UMAD1: variants seen among roughly 807,000 people sequenced by gnomAD.
UMAD1 encodes UBAP1-MVB12-associated (UMA) domain containing 1.
UMAD1 carries 8 observed loss-of-function variants against 6.1 expected under a neutral mutation model. The ratio of observed to expected loss-of-function variants is 1.30; its 90% confidence interval spans 0.76 to 2.35. UMAD1 has a LOEUF of 2.35. Among genes scored for constraint, UMAD1 ranks in the 30% most tolerant of loss-of-function variants. UMAD1 has a pLI of 0.00. For missense variants in UMAD1, 130 were observed against 78.4 expected (o/e 1.66, Z -2.49); for synonymous variants, 56 against 31.4 (o/e 1.78, Z -2.61).
intron 2 of UMAD1, among the ~76,000 whole-genome samples, chr7:7,782,363 A>G (rs907412253): frequency 4.6e-5 from 7 of 152,088 alleles, no homozygotes; most frequent in South Asian, 2.1e-4. Flanking sequence ...GCATGTATTC[A>G]TCTGAATGCC....
At chr7:7,781,123 C>T (rs1242210014) in intron 2 of UMAD1, among the ~76,000 whole-genome samples, 1 of 152,112 alleles carries the variant, frequency 6.6e-6, no homozygotes, top group Non-Finnish European at 1.5e-5. Flanking sequence ...GTTTACTTTC[C>T]TGCTGGCACA....
chr7:7,654,902 C>CA (rs71010994), intron 1 of UMAD1, among the ~76,000 whole-genome samples: 90,221 of 139,146 alleles, frequency 0.65, 29,124 homozygotes, highest in East Asian at 0.87. Context: ...GACTCTGTCT[C>CA]AAAAAAAAAA....
At chr7:7,707,346 C>T (rs1396466362) in intron 2 of UMAD1, among the ~76,000 whole-genome samples, 5 of 152,114 alleles carry the variant, frequency 3.3e-5, no homozygotes, top group Non-Finnish European at 5.9e-5. Context: ...AAATTTGTAA[C>T]TACGGTACTT....
intron 2 of UMAD1, among the ~76,000 whole-genome samples, chr7:7,729,923 T>C (rs1365374152): frequency 6.6e-6 from 1 of 152,234 alleles, no homozygotes. Context: ...TTGACAGCTG[T>C]TTGCTCAGTC....
rs1784466818 is a variant in UMAD1 at position 7,878,547 on chromosome 7, G to T, written c.*1009G>T. On this transcript the variant is annotated 3_prime_UTR_variant, in exon 4 of 4. Coordinates refer to ENST00000682710, the MANE Select transcript of UMAD1 (RefSeq NM_001302348.2). ...TACTTACTTTAATGAAAACAGAACT[G>T]CCATTGGTCAATAAACTGTAAAGGG... 1 of 152,138 alleles carries T rather than the reference G, an allele frequency of 6.6e-6. No individual in the cohort carries two copies. The highest frequency in any genetic ancestry group is 6.6e-5 in the Admixed American group (1 of 15,264). The allele number at this position is 152,138 out of a possible 1,614,324, so 9.4% of individuals were successfully genotyped here.
chr7:7,722,011 A>G (rs988852660), intron 2 of UMAD1, among the ~76,000 whole-genome samples: 17 of 151,970 alleles, frequency 1.1e-4, no homozygotes, highest in African/African-American at 4.1e-4. Context: ...CCCATGCTGG[A>G]TGCTTCCTGT....
At chr7:7,747,290 G>A (rs961107870) in intron 2 of UMAD1, among the ~76,000 whole-genome samples, 1 of 152,128 alleles carries the variant, frequency 6.6e-6, no homozygotes, top group Admixed American at 6.5e-5. Flanking sequence ...TAGGTAATCA[G>A]TATTATTCTT....
intron 1 of UMAD1, among the ~76,000 whole-genome samples, chr7:7,658,774 T>A (rs1466967909): frequency 6.6e-6 from 1 of 152,210 alleles, no homozygotes; most frequent in Admixed American, 6.5e-5. Flanking sequence ...GAAATTTTCT[T>A]TTTTTGTTGT....
At chr7:7,744,210 T>C (rs1781526511) in intron 2 of UMAD1, among the ~76,000 whole-genome samples, 1 of 152,198 alleles carries the variant, frequency 6.6e-6, no homozygotes, top group South Asian at 2.1e-4. Flanking sequence ...GGCTTCTTTT[T>C]TGTTTTCAAG....
rs1241905302 is a variant in UMAD1, at chr7:7,850,049, G to A, written c.157-27232G>A. On this transcript the variant is annotated intron_variant, in intron 3 of 3. Transcript: ENST00000682710. ...GGGAAAAGGAAAACCTTCATGCCCA[G>A]TATAAGTCTGTACAACTACTCTAGA... Among the ~76,000 whole-genome samples the A allele has an allele frequency of 2.0e-5, 3 of 152,240 alleles. No homozygotes were observed. In the East Asian group the frequency reaches 5.8e-4, roughly 29 times the overall value.
intron 2 of UMAD1, among the ~76,000 whole-genome samples, chr7:7,730,073 T>G (rs2115191091): frequency 6.6e-6 from 1 of 152,278 alleles, no homozygotes; most frequent in Middle Eastern, 3.4e-3. Context: ...TTTTCTGCCC[T>G]TGCTCCTACA....
At chr7:7,738,881 T>A (rs181276391) in intron 2 of UMAD1, 1 of 152,146 alleles carries the variant, frequency 6.6e-6, no homozygotes, top group Non-Finnish European at 1.5e-5. Flanking sequence ...GGTGGAACCA[T>A]TGGCTGTAGG....
intron 2 of UMAD1, among the ~76,000 whole-genome samples, chr7:7,704,766 C>CAAAAAAAAAAAAAAAA (rs71011001): frequency 5.6e-5 from 1 of 17,826 alleles, no homozygotes; most frequent in Non-Finnish European, 1.0e-4. Context: ...GACTCCATCT[C>CAAAAAAAAAAAAAAAA]AAAAAAAAAA....
intron 3 of UMAD1, among the ~76,000 whole-genome samples, chr7:7,817,842 C>G (rs1374889891): frequency 2.0e-5 from 3 of 152,036 alleles, no homozygotes; most frequent in Non-Finnish European, 4.4e-5. Flanking sequence ...GAGACAAGGT[C>G]TCACTCTGTC....
At chr7:7,840,550 G>C (rs1015705896) in intron 3 of UMAD1, among the ~76,000 whole-genome samples, 1 of 122,304 alleles carries the variant, frequency 8.2e-6, no homozygotes, top group Admixed American at 7.9e-5. Context: ...GTTGTAGACT[G>C]GGGGACTATG....
chr7:7,680,983 C>T (rs1191593869), intron 2 of UMAD1, among the ~76,000 whole-genome samples: 1 of 151,822 alleles, frequency 6.6e-6, no homozygotes, highest in East Asian at 1.9e-4. Context: ...ATCCACATAA[C>T]TTTTTTTGTG....
intron 1 of UMAD1, among the ~76,000 whole-genome samples, chr7:7,665,071 G>C (rs931784195): frequency 6.6e-6 from 1 of 152,042 alleles, no homozygotes; most frequent in African/African-American, 2.4e-5. Context: ...ATAGACAGTA[G>C]CTGCATCAAT....
At chr7:7,804,245 GT>G (rs1289308058) in intron 3 of UMAD1, among the ~76,000 whole-genome samples, 4 of 152,160 alleles carry the variant, frequency 2.6e-5, no homozygotes, top group African/African-American at 9.7e-5. Context: ...AGACCACAGG[GT>G]TAAATCGCAA....
At chr7:7,673,614 A>G (rs370529657) in intron 2 of UMAD1, among the ~76,000 whole-genome samples, 161 bp downstream of exon 2, 1 of 152,336 alleles carries the variant, frequency 6.6e-6, no homozygotes, top group East Asian at 1.9e-4. Context: ...AAAGTCATCA[A>G]TTACTTGGAA....
Sources: gnomAD v4.1 joint callset for allele counts (sites outside exome capture counted in the v4.1 genomes callset) on GRCh38, gnomAD v4.1.1 for gene constraint, MANE v1.5 for transcripts, NCBI Gene and HGNC (gene_info 2026-07-23, HGNC 2026-07-21) for gene names.